Variants in SNTG1 observed in about 807,000 individuals in gnomAD.
SNTG1 encodes syntrophin gamma 1.
A neutral mutation model predicts 74.7 loss-of-function variants in SNTG1; 39 were observed. The ratio of observed to expected loss-of-function variants is 0.52; its 90% confidence interval spans 0.40 to 0.68. The LOEUF (loss-of-function observed/expected upper bound fraction) is 0.68. Ranked by LOEUF, SNTG1 falls within the 30% of genes least tolerant of loss-of-function variation. SNTG1 has a pLI of 0.00. For synonymous variants in SNTG1, 254 were observed against 217.1 expected, an observed-to-expected ratio of 1.17 and a Z score of -1.49; for missense variants, 685 against 609.5, an observed-to-expected ratio of 1.12 and a Z score of -1.30.
At chr8:49,992,744 T>C (rs1813811005) in intron 1 of SNTG1, among the ~76,000 whole-genome samples, 2 of 152,310 alleles carry the variant, frequency 1.3e-5, no homozygotes, top group South Asian at 4.1e-4. Context: ...GAAGTGGGTT[T>C]TATTTAGTAA....
intron 1 of SNTG1, among the ~76,000 whole-genome samples, chr8:49,951,063 T>A (rs541866642): frequency 6.6e-6 from 1 of 152,334 alleles, no homozygotes; most frequent in East Asian, 1.9e-4. Context: ...GAATTTTGAA[T>A]TAATCTATTC....
At chr8:50,106,373 C>T (rs143194406) in intron 1 of SNTG1, among the ~76,000 whole-genome samples, 4 of 152,264 alleles carry the variant, frequency 2.6e-5, no homozygotes, top group African/African-American at 9.6e-5. Flanking sequence ...CCAAGTCCCT[C>T]TCCCAAAATT....
At chr8:49,954,947 G>A (rs940721933) in intron 1 of SNTG1, among the ~76,000 whole-genome samples, 3 of 152,108 alleles carry the variant, frequency 2.0e-5, no homozygotes, top group African/African-American at 4.8e-5. Flanking sequence ...TGTTTAACTG[G>A]CATCTATTTA....
chr8:50,477,706 G>A (rs1563443073), intron 8 of SNTG1, among the ~76,000 whole-genome samples: 1 of 152,136 alleles, frequency 6.6e-6, no homozygotes, highest in Non-Finnish European at 1.5e-5. Context: ...AGTAATGAAG[G>A]ATGTTCATAT....
At position 50,259,003 on chromosome 8, in the gene SNTG1, C is replaced by A. The variant is rs555402672; in HGVS notation, c.-28+86368C>A. On this transcript the variant is annotated intron_variant, in intron 2 of 18. Coordinates refer to ENST00000642720, the MANE Select transcript of SNTG1 (RefSeq NM_018967.5). ...AAGAGACCTAAATCTATACATATCA[C>A]AGTAAAAATGTTGAAAGGCAAAGAA... 3.9e-5 allele frequency among the ~76,000 whole-genome samples: 6 copies of A among 152,114 alleles called. No homozygotes were observed. The East Asian group carries it at 1.2e-3, about 29-fold the overall frequency.
chr8:50,247,029 T>C (rs2086433485), intron 2 of SNTG1, among the ~76,000 whole-genome samples: 1 of 152,226 alleles, frequency 6.6e-6, no homozygotes, highest in Non-Finnish European at 1.5e-5. Flanking sequence ...TGTCACCCAC[T>C]GAATGGAAAG....
At chr8:50,274,884 A>G in intron 2 of SNTG1, among the ~76,000 whole-genome samples, 1 of 152,214 alleles carries the variant, frequency 6.6e-6, no homozygotes, top group East Asian at 1.9e-4. Flanking sequence ...AACTAGCGTC[A>G]AATATGTGGG....
chr8:50,438,891 CT>C (rs1486221247), intron 5 of SNTG1, among the ~76,000 whole-genome samples: 9 of 151,462 alleles, frequency 5.9e-5, no homozygotes, highest in Admixed American at 3.3e-4. Context: ...GTGTGCATAT[CT>C]TTCTTTAACC....
In SNTG1 at chr8:50,656,989, G is replaced by C; in HGVS notation, c.930G>C (p.Leu310=). 1.3e-6 allele frequency: 2 copies of C among 1,586,852 alleles called. No homozygotes were observed. The highest frequency in any genetic ancestry group is 1.7e-6 in the Non-Finnish European group (2 of 1,167,822). Residue 310 remains leucine (L), a synonymous_variant, in exon 14 of 19, where the codon CTG becomes CTC. Coordinates refer to ENST00000642720, the MANE Select transcript of SNTG1 (RefSeq NM_018967.5). The part of the protein sequence containing the change: ...DRVYSPTFLA[L]RGSCLYKFLA... ...TGTACTCCCCGACCTTCCTGGCCCT[G>C]AGGGGCTCATGTCTCTACAAGTTTC...
In SNTG1 at chr8:50,746,732, C is replaced by A. The variant is rs1481529732; in HGVS notation, c.1285-5269C>A. ...CTAATGTGAGATATCATTAATTGGGCAAACTGGGTGTGGAGTGGATATGAA... is the reference window on the plus strand; with the variant it reads ...CTAATGTGAGATATCATTAATTGGGAAAACTGGGTGTGGAGTGGATATGAA... On this transcript the variant is annotated intron_variant, in intron 17 of 18. Coordinates refer to ENST00000642720, the MANE Select transcript of SNTG1 (RefSeq NM_018967.5). 3.3e-5 allele frequency among the ~76,000 whole-genome samples: 5 copies of A among 150,888 alleles called. No individual in the cohort carries two copies. The Admixed American group carries it at 3.3e-4, about 10-fold the overall frequency.
At chr8:50,236,897 A>C (rs1283430774) in intron 2 of SNTG1, among the ~76,000 whole-genome samples, 1 of 152,120 alleles carries the variant, frequency 6.6e-6, no homozygotes, top group Non-Finnish European at 1.5e-5. Flanking sequence ...TTGGAAGCAA[A>C]TCCTAGATAT....
chr8:50,748,220 G>A (rs1409217344), intron 17 of SNTG1, among the ~76,000 whole-genome samples: 1 of 151,960 alleles, frequency 6.6e-6, no homozygotes, highest in Non-Finnish European at 1.5e-5. Flanking sequence ...GCTGGTTGGA[G>A]ATAAACATTT....
chr8:50,505,904 C>T (rs1004780411), intron 9 of SNTG1, among the ~76,000 whole-genome samples: 2 of 151,984 alleles, frequency 1.3e-5, no homozygotes, highest in African/African-American at 4.8e-5. Context: ...TTTTTGGTGT[C>T]ATATTCAGAA....
At chr8:50,048,159 CA>C (rs1393107998) in intron 1 of SNTG1, among the ~76,000 whole-genome samples, 1 of 151,946 alleles carries the variant, frequency 6.6e-6, no homozygotes, top group African/African-American at 2.4e-5. Flanking sequence ...TTCCTTTAAA[CA>C]ATCAGGCAAA....
chr8:50,316,520 A>G (rs897650020), intron 2 of SNTG1, among the ~76,000 whole-genome samples: 3 of 152,214 alleles, frequency 2.0e-5, no homozygotes, highest in Non-Finnish European at 4.4e-5. Context: ...TCACTCTATT[A>G]TATAGCAAAT....
intron 1 of SNTG1, among the ~76,000 whole-genome samples, chr8:50,057,422 T>G (rs1313079337): frequency 6.6e-6 from 1 of 152,064 alleles, no homozygotes; most frequent in African/African-American, 2.4e-5. Context: ...CACTTTTTTG[T>G]TTTTGTTTTT....
At chr8:50,065,551 T>C (rs1820831783) in intron 1 of SNTG1, among the ~76,000 whole-genome samples, 1 of 152,212 alleles carries the variant, frequency 6.6e-6, no homozygotes, top group Non-Finnish European at 1.5e-5. Flanking sequence ...GACTCTATTA[T>C]ATTTTGCTTT....
intron 18 of SNTG1, among the ~76,000 whole-genome samples, chr8:50,773,619 G>A (rs1474596362): frequency 6.6e-6 from 1 of 152,014 alleles, no homozygotes; most frequent in Non-Finnish European, 1.5e-5. Context: ...ACAACAAACT[G>A]CAACAGCATC....
At chr8:50,631,334 A>G (rs996374571) in intron 13 of SNTG1, among the ~76,000 whole-genome samples, 1 of 152,192 alleles carries the variant, frequency 6.6e-6, no homozygotes, top group Non-Finnish European at 1.5e-5. Flanking sequence ...ATGTAAATGC[A>G]ACAATTTTTG....
Sources: gnomAD v4.1 joint callset for allele counts (sites outside exome capture counted in the v4.1 genomes callset) on GRCh38, gnomAD v4.1.1 for gene constraint, MANE v1.5 for transcripts, NCBI Gene and HGNC (gene_info 2026-07-23, HGNC 2026-07-21) for gene names.